Variants in FOXP2 observed in about 807,000 individuals in gnomAD.
FOXP2 encodes the protein forkhead box P2.
A neutral mutation model predicts 115.8 loss-of-function variants in FOXP2; 12 were observed. That is an observed-to-expected ratio of 0.10 (90% CI 0.07 to 0.17). The LOEUF is 0.17. FOXP2 is among the 10% of genes least tolerant of loss of function. FOXP2 has a pLI of 1.00. For synonymous variants in FOXP2, 328 were observed against 297.7 expected (o/e 1.10, Z -1.05); for missense variants, 629 against 843.5 (o/e 0.75, Z 3.15).
In FOXP2 at chr7:114,506,568, GAT is replaced by G. The variant is rs1056258465; in HGVS notation, c.169-28037_169-28036del. Reference sequence around the variant, plus strand: ...TTATTTGATATTTATTTTCCCTTGAGATATATATATATACATATATATCTAAT... The same window carrying G: ...TTATTTGATATTTATTTTCCCTTGAGATATATATATACATATATATCTAAT... On this transcript the variant is annotated intron_variant, in intron 2 of 16. Coordinates refer to ENST00000350908, the MANE Select transcript of FOXP2 (RefSeq NM_014491.4). Among the ~76,000 whole-genome samples the G allele has an allele frequency of 1.1e-4, 16 of 150,594 alleles. No individual in the cohort carries two copies. The East Asian group carries it at 1.4e-3, about 13-fold the overall frequency.
chr7:114,301,721 TCTC>T (rs1263477744), intron 2 of FOXP2, among the ~76,000 whole-genome samples: 2 of 152,156 alleles, frequency 1.3e-5, no homozygotes, highest in East Asian at 3.8e-4. Flanking sequence ...TAAAATAAAG[TCTC>T]CTATCTTAGC....
At chr7:114,212,019 G>T (rs1794366287) in intron 1 of FOXP2, among the ~76,000 whole-genome samples, 1 of 151,638 alleles carries the variant, frequency 6.6e-6, no homozygotes, top group African/African-American at 2.4e-5. Flanking sequence ...GTTGCAGTGA[G>T]CTGAGATCGT....
At chr7:114,475,956 A>G (rs1453240556) in intron 2 of FOXP2, among the ~76,000 whole-genome samples, 4 of 152,034 alleles carry the variant, frequency 2.6e-5, no homozygotes, top group Non-Finnish European at 5.9e-5. Flanking sequence ...TGTAACAAAC[A>G]TATACATGTA....
rs1265719446 is a variant in FOXP2, at chr7:114,271,721, TATTAAATATATATTAAATACATATGC to T, written c.-101-16282_-101-16257del. On this transcript the variant is annotated intron_variant, in intron 1 of 17. Transcript: ENST00000634411. ...TTTAATATATTATTTAATACATATG[TATTAAATATATATTAAATACATATGC>T]ATTAAATATATATTATTTAATATAT... Among the ~76,000 whole-genome samples, 5 of 117,564 alleles carry T rather than the reference TATTAAATATATATTAAATACATATGC, an allele frequency of 4.3e-5. No individual in the cohort carries two copies. The South Asian group carries it at 9.3e-4, about 22-fold the overall frequency. The allele number at this position is 117,564 out of a possible 152,430, so 77.1% of individuals were successfully genotyped here.
At chr7:114,159,160 AC>A, upstream of FOXP2, among the ~76,000 whole-genome samples, 1 of 152,228 alleles carries the variant, frequency 6.6e-6, no homozygotes, top group East Asian at 1.9e-4. Flanking sequence ...AAGAATAGTA[AC>A]CCACAAGACT....
intron 2 of FOXP2, among the ~76,000 whole-genome samples, chr7:114,427,960 T>G (rs747703883): frequency 5.9e-5 from 9 of 151,708 alleles, no homozygotes; most frequent in Non-Finnish European, 1.0e-4. Flanking sequence ...TTAACAATCA[T>G]AGGAATTATA....
chr7:114,096,374 A>C (rs924086245), intron 1 of FOXP2, among the ~76,000 whole-genome samples: 2 of 152,220 alleles, frequency 1.3e-5, no homozygotes, highest in Non-Finnish European at 2.9e-5. Context: ...TGTCTTGATC[A>C]GTTTATAATA....
intron 1 of FOXP2, among the ~76,000 whole-genome samples, chr7:114,147,632 TG>T (rs1327953906): frequency 3.9e-5 from 6 of 152,124 alleles, no homozygotes; most frequent in Non-Finnish European, 5.9e-5. Flanking sequence ...CAAAGGGTAT[TG>T]CCAATGAAAT....
At chr7:114,259,016 G>A (rs1298028235) in intron 1 of FOXP2, among the ~76,000 whole-genome samples, 1 of 152,116 alleles carries the variant, frequency 6.6e-6, no homozygotes, top group Non-Finnish European at 1.5e-5. Context: ...GTATGTTAGA[G>A]GTCCCAGTTG....
At chr7:114,211,670 A>G (rs189922965) in intron 1 of FOXP2, among the ~76,000 whole-genome samples, 10 of 152,372 alleles carry the variant, frequency 6.6e-5, no homozygotes, top group African/African-American at 2.4e-4. Flanking sequence ...AGAAAAATTA[A>G]TCAAAAGTGG....
intron 2 of FOXP2, among the ~76,000 whole-genome samples, chr7:114,440,292 A>G (rs1039718073): frequency 1.3e-5 from 2 of 152,206 alleles, no homozygotes; most frequent in African/African-American, 4.8e-5. Context: ...AGTTACTTAA[A>G]TAATTAAAAC....
chr7:114,367,215 A>G (rs2140619), intron 2 of FOXP2, among the ~76,000 whole-genome samples: 60,158 of 151,952 alleles, frequency 0.4, 13,239 homozygotes, highest in East Asian at 0.86. Context: ...GTGGTCTCTT[A>G]GCAATAAATA....
intron 3 of FOXP2, among the ~76,000 whole-genome samples, chr7:114,566,330 A>T (rs1423575519): frequency 6.6e-6 from 1 of 152,070 alleles, no homozygotes; most frequent in East Asian, 1.9e-4. Flanking sequence ...TCTCATGTTG[A>T]AATTTGACCC....
At chr7:114,435,030 C>T (rs1794277665) in intron 2 of FOXP2, among the ~76,000 whole-genome samples, 1 of 152,186 alleles carries the variant, frequency 6.6e-6, no homozygotes, top group Non-Finnish European at 1.5e-5. Context: ...TGAATCAGCT[C>T]TCTCATAATG....
At chr7:114,534,277 AT>A (rs1799271273) in intron 2 of FOXP2, among the ~76,000 whole-genome samples, 2 of 145,540 alleles carry the variant, frequency 1.4e-5, no homozygotes, top group Non-Finnish European at 3.0e-5. Flanking sequence ...AAATTGAATG[AT>A]AATTTAAAAG....
At chr7:114,680,353 A>G (rs1256524971) in intron 16 of FOXP2, among the ~76,000 whole-genome samples, 3 of 152,212 alleles carry the variant, frequency 2.0e-5, no homozygotes, top group Non-Finnish European at 4.4e-5. Context: ...TCTGGTTTGC[A>G]GAAATATTCA....
chr7:114,385,350 G>A (rs1280050097), intron 2 of FOXP2, among the ~76,000 whole-genome samples: 1 of 152,142 alleles, frequency 6.6e-6, no homozygotes, highest in African/African-American at 2.4e-5. Context: ...TTGCGGCTAC[G>A]CTTTCAAGAA....
At chr7:114,433,311 T>A (rs969103787) in intron 2 of FOXP2, among the ~76,000 whole-genome samples, 1 of 152,000 alleles carries the variant, frequency 6.6e-6, no homozygotes, top group Non-Finnish European at 1.5e-5. Flanking sequence ...TTAAAATGTG[T>A]CTTTTAATTT....
chr7:114,267,833 G>T (rs1382654337), intron 1 of FOXP2, among the ~76,000 whole-genome samples: 1 of 150,930 alleles, frequency 6.6e-6, no homozygotes, highest in Non-Finnish European at 1.5e-5. Flanking sequence ...CAATTTTTAA[G>T]TGTATGGTTC....
Sources: allele counts gnomAD v4.1 joint callset (sites outside exome capture counted in the v4.1 genomes callset), GRCh38; gene constraint gnomAD v4.1.1; transcripts MANE v1.5; gene names NCBI Gene and HGNC (gene_info 2026-07-23, HGNC 2026-07-21).